The following RBFOX1 variants were observed in gnomAD, a reference collection of about 807,000 sequenced individuals.
The protein encoded by RBFOX1 is RNA binding protein fox-1 homolog 1.
Under a neutral mutation model 57.7 loss-of-function variants are expected in RBFOX1, and 8 were observed. That is an observed-to-expected ratio of 0.14 (90% CI 0.08 to 0.25). The LOEUF (loss-of-function observed/expected upper bound fraction) is 0.25, where lower values mean the gene tolerates loss of function less well. RBFOX1 is among the 10% of genes least tolerant of loss of function. RBFOX1 has a pLI of 1.00. For synonymous variants in RBFOX1, 326 were observed against 222.4 expected (o/e 1.47, Z -4.15); for missense variants, 611 against 548.5 (o/e 1.11, Z -1.14).
At chr16:6,128,502 C>G (rs1453887940) in intron 1 of RBFOX1, among the ~76,000 whole-genome samples, 3 of 152,170 alleles carry the variant, frequency 2.0e-5, no homozygotes, top group African/African-American at 4.8e-5. Flanking sequence ...AAAGCTCTGG[C>G]TTTCTGTCCA....
At chr16:6,803,421 A>C (rs1313908200) in intron 3 of RBFOX1, among the ~76,000 whole-genome samples, 3 of 152,192 alleles carry the variant, frequency 2.0e-5, no homozygotes, top group Non-Finnish European at 2.9e-5. Context: ...GGAGAAAGTG[A>C]GAGTGGCGTT....
At chr16:5,433,118 CAG>C (rs1177764239) in intron 1 of RBFOX1, among the ~76,000 whole-genome samples, 1 of 152,268 alleles carries the variant, frequency 6.6e-6, no homozygotes, top group African/African-American at 2.4e-5. Context: ...TTCCACTGTG[CAG>C]AGTCACTGTT....
chr16:7,307,483 A>G lies in RBFOX1; in HGVS notation c.28-210664A>G, dbSNP rs115732127. Among the ~76,000 whole-genome samples, 684 of 152,340 alleles carry G rather than the reference A, an allele frequency of 4.5e-3. 2 individuals carry two copies. The highest frequency in any genetic ancestry group is 0.015 in the African/African-American group (641 of 41,564). On this transcript the variant is annotated intron_variant, in intron 4 of 15. Coordinates refer to ENST00000550418, the MANE Select transcript of RBFOX1 (RefSeq NM_018723.4). The stretch of plus-strand genomic sequence containing the variant: ...AATTTATTTACTTAGGCCAATGAAG[A>G]AGCAACTTTGATGTTTACATTATTT...
chr16:5,331,514 C>T (rs985495124), intron 1 of RBFOX1, among the ~76,000 whole-genome samples: 4 of 152,248 alleles, frequency 2.6e-5, no homozygotes, highest in Admixed American at 1.3e-4. Flanking sequence ...AGTGGGCTAG[C>T]CCAGGCATGT....
At chr16:6,033,652 A>T (rs1472616546) in intron 1 of RBFOX1, among the ~76,000 whole-genome samples, 5 of 152,226 alleles carry the variant, frequency 3.3e-5, no homozygotes, top group African/African-American at 1.2e-4. Flanking sequence ...ATGGATATAT[A>T]GTATTCCATT....
At chr16:5,528,547 T>TC (rs1333185363) in intron 2 of RBFOX1, among the ~76,000 whole-genome samples, 17 of 121,738 alleles carry the variant, frequency 1.4e-4, no homozygotes, top group South Asian at 7.7e-4. Context: ...CAGCTCTTCT[T>TC]TTTTTTTTTT....
At chr16:6,981,060 C>A (rs373607932) in intron 3 of RBFOX1, among the ~76,000 whole-genome samples, 7,690 of 73,686 alleles carry the variant, frequency 0.1, 389 homozygotes, top group African/African-American at 0.19. Context: ...AAAAAAAAAA[C>A]ACTAAAAAAT....
intron 3 of RBFOX1, among the ~76,000 whole-genome samples, chr16:6,771,250 G>A (rs2078243058): frequency 6.6e-6 from 1 of 152,174 alleles, no homozygotes; most frequent in Non-Finnish European, 1.5e-5. Flanking sequence ...AGAATTGTGA[G>A]AAAATAAATT....
chr16:7,495,484 G>A (rs949750940), intron 4 of RBFOX1, among the ~76,000 whole-genome samples: 1 of 152,094 alleles, frequency 6.6e-6, no homozygotes, highest in African/African-American at 2.4e-5. Context: ...AGCATCTATT[G>A]TTTTTTGACT....
intron 3 of RBFOX1, among the ~76,000 whole-genome samples, chr16:6,945,134 G>T (rs2079244412): frequency 6.6e-6 from 1 of 152,088 alleles, no homozygotes; most frequent in Non-Finnish European, 1.5e-5. Context: ...CAGAGGTAGG[G>T]GCACAGTACA....
At chr16:7,214,580 C>T (rs747735590) in intron 4 of RBFOX1, among the ~76,000 whole-genome samples, 7 of 152,070 alleles carry the variant, frequency 4.6e-5, no homozygotes, top group Non-Finnish European at 1.0e-4. Flanking sequence ...TGTGCTCCTA[C>T]CTCATCGTCT....
intron 2 of RBFOX1, among the ~76,000 whole-genome samples, chr16:6,447,557 T>A (rs2094508697): frequency 6.6e-6 from 1 of 152,216 alleles, no homozygotes; most frequent in African/African-American, 2.4e-5. Context: ...TCAGAGTGCC[T>A]GTTTTTAGAC....
At chr16:6,652,786 A>G (rs529257407) in intron 2 of RBFOX1, among the ~76,000 whole-genome samples, 38 of 152,144 alleles carry the variant, frequency 2.5e-4, no homozygotes, top group African/African-American at 9.2e-4. Flanking sequence ...GTTATTGTTT[A>G]ATGGGTACAG....
At chr16:6,600,687 G>A (rs1189672056) in intron 2 of RBFOX1, among the ~76,000 whole-genome samples, 2 of 152,078 alleles carry the variant, frequency 1.3e-5, no homozygotes, top group African/African-American at 4.8e-5. Context: ...AGAATTACAA[G>A]TTTATAGATT....
chr16:7,560,500 G>A (rs2090059897), intron 5 of RBFOX1, among the ~76,000 whole-genome samples: 2 of 151,548 alleles, frequency 1.3e-5, no homozygotes. Flanking sequence ...ATCCTGCGGT[G>A]GGAACATATC....
intron 2 of RBFOX1, among the ~76,000 whole-genome samples, chr16:6,382,676 C>G (rs2091923599): frequency 6.6e-6 from 1 of 152,020 alleles, no homozygotes; most frequent in Non-Finnish European, 1.5e-5. Flanking sequence ...CCTGGTCAAC[C>G]TGGTGAAACC....
chr16:6,048,629 C>A (rs2095519359), intron 1 of RBFOX1, among the ~76,000 whole-genome samples: 1 of 152,072 alleles, frequency 6.6e-6, no homozygotes, highest in Admixed American at 6.6e-5. Flanking sequence ...TTCCAGCAAA[C>A]CCTTAAAATT....
chr16:7,571,213 GA>G (rs144811713), intron 5 of RBFOX1, among the ~76,000 whole-genome samples: 9 of 151,180 alleles, frequency 6.0e-5, no homozygotes, highest in African/African-American at 9.7e-5. Flanking sequence ...ACTTAAGGAA[GA>G]AAAAAAAATC....
chr16:5,378,284 C>T (rs1189319170), intron 1 of RBFOX1, among the ~76,000 whole-genome samples: 1 of 151,584 alleles, frequency 6.6e-6, no homozygotes, highest in East Asian at 1.9e-4. Context: ...CTCATCCAAA[C>T]AACCCAAAGG....
Sources: allele counts gnomAD v4.1 joint callset (sites outside exome capture counted in the v4.1 genomes callset), GRCh38; gene constraint gnomAD v4.1.1; transcripts MANE v1.5; gene names NCBI Gene and HGNC (gene_info 2026-07-23, HGNC 2026-07-21).